The following DIP2C variants were observed in gnomAD, a reference collection of about 807,000 sequenced individuals.
The protein encoded by DIP2C is disco-interacting protein 2 homolog C.
In DIP2C, 33 loss-of-function variants were observed where a neutral mutation model predicts 192.4. The observed-to-expected ratio is 0.17, with a 90% confidence interval of 0.13 to 0.23. The LOEUF (loss-of-function observed/expected upper bound fraction) is 0.23. Among genes scored for constraint, DIP2C ranks in the 10% least tolerant of loss-of-function variants. The probability of loss-of-function intolerance (pLI) is 1.00; values close to 1 mark genes in which losing one functional copy is unlikely to be tolerated. For synonymous variants in DIP2C, 979 were observed against 864.1 expected, an observed-to-expected ratio of 1.13 and a Z score of -2.33; for missense variants, 1,537 against 2,110.1, an observed-to-expected ratio of 0.73 and a Z score of 5.32.
At chr10:471,331 A>T (rs185505086) in intron 3 of DIP2C, among the ~76,000 whole-genome samples, 12 of 152,266 alleles carry the variant, frequency 7.9e-5, no homozygotes, top group Admixed American at 7.8e-4. Context: ...CTGAGGATGC[A>T]GAAGCAGCTA....
At chr10:351,596 G>A (rs1958813609) in intron 24 of DIP2C, among the ~76,000 whole-genome samples, 1 of 152,122 alleles carries the variant, frequency 6.6e-6, no homozygotes, top group African/African-American at 2.4e-5. Flanking sequence ...CCCACTTAGA[G>A]GACACCTAAA....
In DIP2C at chr10:481,399, C is replaced by T. The variant is rs117350651; in HGVS notation, c.157+5060G>A. On this transcript the variant is annotated intron_variant, in intron 2 of 36. Transcript: ENST00000280886. ...ATCTGCAACGGGACCTCAGAGGAAG[C>T]CCTCTCCGTGGCGACAGGGCAAGGC... Among the ~76,000 whole-genome samples the T allele has an allele frequency of 4.1e-3, 630 of 152,330 alleles. 3 individuals carry two copies. Among genetic ancestry groups the T allele is most frequent in the Admixed American group, 6.7e-3 (103 of 15,302 alleles).
chr10:445,369 A>T (rs532454891), intron 3 of DIP2C, among the ~76,000 whole-genome samples: 1 of 150,076 alleles, frequency 6.7e-6, no homozygotes, highest in South Asian at 2.1e-4. Flanking sequence ...TGTTGTGAAG[A>T]GTCTCACAGG....
chr10:642,476 A>C (rs560638042), intron 1 of DIP2C, among the ~76,000 whole-genome samples: 4 of 152,258 alleles, frequency 2.6e-5, no homozygotes, highest in Non-Finnish European at 5.9e-5. Context: ...GCACCAGGCC[A>C]CCAGGTGTCT....
Position 413,953 on chromosome 10 carries a change from G to A in DIP2C, c.1017C>T (p.Thr339=), listed in dbSNP as rs1965362413. Residue 339 remains threonine (T), a synonymous_variant, in exon 8 of 37, where the codon ACC becomes ACT. Transcript: ENST00000280886. ...TISPKAPCLT[T]MDTNGKPLYI... ...AGAGGGGCTTCCCGTTGGTGTCCATGGTGGTCAGGCAGGGCGCCTTGGGCG... is the reference window on the plus strand; with the variant it reads ...AGAGGGGCTTCCCGTTGGTGTCCATAGTGGTCAGGCAGGGCGCCTTGGGCG... The A allele has an allele frequency of 6.2e-7, 1 of 1,614,088 alleles. No homozygotes were observed. The highest frequency in any genetic ancestry group is 1.7e-5 in the Admixed American group (1 of 60,016).
chr10:415,475 A>G (rs1263249020), intron 7 of DIP2C, among the ~76,000 whole-genome samples: 3 of 152,138 alleles, frequency 2.0e-5, no homozygotes, highest in African/African-American at 7.2e-5. Flanking sequence ...GTTTTTCTAC[A>G]TGTTTATACT....
chr10:394,305 G>A (rs1963762726), intron 10 of DIP2C, among the ~76,000 whole-genome samples: 3 of 152,072 alleles, frequency 2.0e-5, no homozygotes, highest in African/African-American at 4.8e-5. Context: ...TCAGCCTTCA[G>A]GGAGGAGGGA....
At chr10:494,669 G>A (rs1844686353) in intron 1 of DIP2C, among the ~76,000 whole-genome samples, 1 of 152,174 alleles carries the variant, frequency 6.6e-6, no homozygotes, top group Non-Finnish European at 1.5e-5. Flanking sequence ...CTCAGAGAGA[G>A]GTGTAGTGAG....
At chr10:494,056 C>T (rs953942546) in intron 1 of DIP2C, among the ~76,000 whole-genome samples, 5 of 152,182 alleles carry the variant, frequency 3.3e-5, no homozygotes, top group African/African-American at 4.8e-5. Context: ...TGAAAAGTCA[C>T]GCTGGACCAC....
chr10:574,400 G>A (rs1333694722), intron 1 of DIP2C, among the ~76,000 whole-genome samples: 1 of 152,166 alleles, frequency 6.6e-6, no homozygotes, highest in Non-Finnish European at 1.5e-5. Context: ...AATATGCTTT[G>A]GAAAGCAATA....
intron 32 of DIP2C, among the ~76,000 whole-genome samples, chr10:289,928 T>C (rs1955399191): frequency 6.6e-6 from 1 of 152,164 alleles, no homozygotes. Context: ...GGGCACCATC[T>C]CCTCTGGCTG....
At chr10:368,948 G>A (rs777678910) in intron 18 of DIP2C, among the ~76,000 whole-genome samples, 12 of 152,260 alleles carry the variant, frequency 7.9e-5, no homozygotes, top group African/African-American at 2.7e-4. Context: ...GTGCCTGGGC[G>A]CTCCTCGTGG....
chr10:351,759 G>C (rs1389595961), intron 24 of DIP2C, among the ~76,000 whole-genome samples: 1 of 152,158 alleles, frequency 6.6e-6, no homozygotes, highest in South Asian at 2.1e-4. Flanking sequence ...CTGTTCCTCT[G>C]AGCATTTACT....
chr10:675,302 G>C (rs1319496523), intron 1 of DIP2C, among the ~76,000 whole-genome samples: 1 of 151,750 alleles, frequency 6.6e-6, no homozygotes, highest in African/African-American at 2.4e-5. Flanking sequence ...GTATTAAGAG[G>C]AAAGTTTATA....
chr10:414,734 TGTGTGTAC>T (rs1312366340), intron 7 of DIP2C, among the ~76,000 whole-genome samples: 14 of 86,584 alleles, frequency 1.6e-4, no homozygotes, highest in South Asian at 5.5e-4. Flanking sequence ...TGTGTGTGTG[TGTGTGTAC>T]ATATATATAT....
intron 1 of DIP2C, among the ~76,000 whole-genome samples, chr10:551,288 C>T (rs1235080159): frequency 6.6e-6 from 1 of 152,174 alleles, no homozygotes; most frequent in Middle Eastern, 3.2e-3. Context: ...CCGCCCACCC[C>T]GCCATGGAGC....
chr10:600,699 C>CGCT (rs1852012240), intron 1 of DIP2C, among the ~76,000 whole-genome samples: 1 of 152,186 alleles, frequency 6.6e-6, no homozygotes, highest in African/African-American at 2.4e-5. Context: ...TGCCCCAGAG[C>CGCT]GCTTTTCACC....
At chr10:544,423 C>T (rs1362630274) in intron 1 of DIP2C, among the ~76,000 whole-genome samples, 1 of 152,158 alleles carries the variant, frequency 6.6e-6, no homozygotes, top group Non-Finnish European at 1.5e-5. Context: ...TTTGTAAAAA[C>T]GTTTTCAGTT....
chr10:678,669 A>ATCTCT (rs202028766), intron 1 of DIP2C, among the ~76,000 whole-genome samples: 2 of 6,468 alleles, frequency 3.1e-4, no homozygotes, highest in African/African-American at 2.2e-4. Flanking sequence ...CCCTGTGCCC[A>ATCTCT]GCTCCCCACG....
Sources: allele counts gnomAD v4.1 joint callset (sites outside exome capture counted in the v4.1 genomes callset), GRCh38; gene constraint gnomAD v4.1.1; transcripts MANE v1.5; gene names NCBI Gene and HGNC (gene_info 2026-07-23, HGNC 2026-07-21).